Variants in KALRN observed in about 807,000 individuals in gnomAD.
KALRN encodes the protein kalirin.
Under a neutral mutation model 353.7 loss-of-function variants are expected in KALRN, and 70 were observed. That is an observed-to-expected ratio of 0.20 (90% CI 0.16 to 0.24). The LOEUF is 0.24. KALRN is among the 10% of genes least tolerant of loss of function. KALRN has a pLI of 1.00. For synonymous variants in KALRN, 1,391 were observed against 1,434.8 expected (o/e 0.97, Z 0.69); for missense variants, 2,791 against 3,756.7 (o/e 0.74, Z 6.72).
chr3:124,182,341 GT>G (rs2073713934), intron 1 of KALRN, among the ~76,000 whole-genome samples: 1 of 152,188 alleles, frequency 6.6e-6, no homozygotes, highest in South Asian at 2.1e-4. Flanking sequence ...CAGGGTTGGA[GT>G]CTTATGTGAA....
chr3:124,211,008 T>C (rs1207706685), intron 1 of KALRN, among the ~76,000 whole-genome samples: 2 of 152,196 alleles, frequency 1.3e-5, no homozygotes, highest in Non-Finnish European at 2.9e-5. Flanking sequence ...TCTAAGTTAT[T>C]ATGTCTACAA....
chr3:124,506,087 G>A (rs41503744), intron 33 of KALRN, among the ~76,000 whole-genome samples: 16,152 of 152,244 alleles, frequency 0.11, 1,057 homozygotes, highest in Non-Finnish European at 0.15. Flanking sequence ...AAACAAGTTC[G>A]AAGATCCTCT....
intron 11 of KALRN, among the ~76,000 whole-genome samples, chr3:124,386,820 T>G (rs2088412342): frequency 6.6e-6 from 1 of 152,212 alleles, no homozygotes; most frequent in African/African-American, 2.4e-5. Flanking sequence ...TTACATGAGT[T>G]TTTTAAATGG....
chr3:124,643,309 A>G (rs1007601498), intron 37 of KALRN, among the ~76,000 whole-genome samples: 1 of 151,964 alleles, frequency 6.6e-6, no homozygotes, highest in Non-Finnish European at 1.5e-5. Context: ...CACCATGCCC[A>G]GCCTCCACAA....
chr3:124,100,326 A>C (rs1353812501), intron 1 of KALRN: 1 of 152,132 alleles, frequency 6.6e-6, no homozygotes, highest in Non-Finnish European at 1.5e-5. Context: ...TCCATTCTAC[A>C]GGTTGTCTCT....
Position 124,291,306 on chromosome 3 carries a change from A to G in KALRN, c.970-7485A>G, listed in dbSNP as rs542450051. 5.3e-5 allele frequency among the ~76,000 whole-genome samples: 8 copies of G among 152,310 alleles called. No homozygotes were observed. In the South Asian group the frequency reaches 6.2e-4, roughly 12 times the overall value. On this transcript the variant is annotated intron_variant, in intron 5 of 59. Coordinates refer to ENST00000682506, the MANE Select transcript of KALRN (RefSeq NM_001388419.1). ...TCACCACCTCAGGGATGTCCAAGCT[A>G]TGGTGTACCCATCAGGTATTTGCAG...
intron 34 of KALRN, among the ~76,000 whole-genome samples, chr3:124,580,947 AAATAATAAT>A (rs145377277): frequency 4.1e-5 from 6 of 147,530 alleles, no homozygotes; most frequent in African/African-American, 1.0e-4. Flanking sequence ...GTCTCTATTA[AAATAATAAT>A]AATAATAATA....
chr3:124,362,326 G>C (rs1381222721), intron 10 of KALRN, among the ~76,000 whole-genome samples: 1 of 152,334 alleles, frequency 6.6e-6, no homozygotes, highest in Non-Finnish European at 1.5e-5. Flanking sequence ...CAGGAGAAAA[G>C]CCCACTCTCA....
intron 1 of KALRN, among the ~76,000 whole-genome samples, chr3:124,129,583 A>AAG: frequency 6.6e-6 from 1 of 152,342 alleles, no homozygotes; most frequent in Admixed American, 6.5e-5. Flanking sequence ...CAATGGCACC[A>AAG]AGAGGCAAGG....
chr3:124,538,775 G>T (rs2068750540), intron 33 of KALRN, among the ~76,000 whole-genome samples: 2 of 152,210 alleles, frequency 1.3e-5, no homozygotes, highest in African/African-American at 4.8e-5. Flanking sequence ...CTGAGTCTTG[G>T]CATCTCCACC....
chr3:124,157,428 C>T (rs1262688458), intron 1 of KALRN, among the ~76,000 whole-genome samples: 1 of 152,232 alleles, frequency 6.6e-6, no homozygotes, highest in African/African-American at 2.4e-5. Flanking sequence ...AAACACCAAT[C>T]ACTGCCAGGA....
intron 23 of KALRN, among the ~76,000 whole-genome samples, chr3:124,461,398 T>G (rs1470743631): frequency 1.3e-5 from 2 of 152,150 alleles, no homozygotes; most frequent in Non-Finnish European, 2.9e-5. Context: ...TTGGACCTCT[T>G]TTCCTGGCTT....
chr3:124,606,389 G>C (rs1561405212), intron 34 of KALRN, among the ~76,000 whole-genome samples: 1 of 152,196 alleles, frequency 6.6e-6, no homozygotes, highest in Non-Finnish European at 1.5e-5. Flanking sequence ...CAAGCTCAGT[G>C]CTGGCATAGC....
intron 47 of KALRN, 52 bp from the exon 48 acceptor site, chr3:124,671,608 A>T (rs748794920): frequency 3.1e-5 from 43 of 1,367,326 alleles, no homozygotes; most frequent in African/African-American, 5.7e-5. Context: ...AGGCCTCCAA[A>T]TCCTTGTGGG....
intron 1 of KALRN, among the ~76,000 whole-genome samples, chr3:124,043,802 C>T (rs947826497): frequency 2.6e-5 from 4 of 152,010 alleles, no homozygotes; most frequent in Admixed American, 6.5e-5. Context: ...TTTTGCAAGC[C>T]GAGGTGGGAC....
rs148693012 is a variant in KALRN, at chr3:124,439,864, A to G, written c.3198+827A>G. ...CTCTCTTCTGTGTTCAAGCTCATCT[A>G]AAGGCTGCATTTGCTCTCAGATTTC... is the stretch of plus-strand genomic sequence containing the variant. On this transcript the variant is annotated intron_variant, in intron 18 of 59. Transcript: ENST00000682506. Among the ~76,000 whole-genome samples the G allele has an allele frequency of 4.9e-3, 744 of 152,226 alleles. 5 individuals are homozygous for G. The highest frequency in any genetic ancestry group is 0.017 in the African/African-American group (709 of 41,532).
intron 54 of KALRN, among the ~76,000 whole-genome samples, chr3:124,696,843 A>G (rs986987480): frequency 1.3e-5 from 2 of 152,198 alleles, no homozygotes; most frequent in Admixed American, 6.5e-5. Flanking sequence ...CTGTTGAACA[A>G]TGACTCCCCA....
chr3:124,208,795 T>C (rs1369694846), intron 1 of KALRN, among the ~76,000 whole-genome samples: 1 of 151,856 alleles, frequency 6.6e-6, no homozygotes, highest in Non-Finnish European at 1.5e-5. Context: ...GGAGGTCCCA[T>C]CTCTATAAAA....
chr3:124,523,998 A>G (rs2067373714), intron 33 of KALRN, among the ~76,000 whole-genome samples: 1 of 152,242 alleles, frequency 6.6e-6, no homozygotes, highest in Admixed American at 6.5e-5. Flanking sequence ...CCATTCATTT[A>G]TTCAGTAAAC....
Sources: gnomAD v4.1 joint callset for allele counts (sites outside exome capture counted in the v4.1 genomes callset) on GRCh38, gnomAD v4.1.1 for gene constraint, MANE v1.5 for transcripts, NCBI Gene and HGNC (gene_info 2026-07-23, HGNC 2026-07-21) for gene names.